The following SYT3 variants were observed in gnomAD, a reference collection of about 807,000 sequenced individuals.
SYT3 encodes synaptotagmin-3.
In SYT3, 25 loss-of-function variants were observed where a neutral mutation model predicts 50.6. The ratio of observed to expected loss-of-function variants is 0.49; its 90% CI spans 0.36 to 0.69. SYT3 has a LOEUF of 0.69. Among genes scored for constraint, SYT3 ranks in the 30% least tolerant of loss-of-function variants. The pLI, the probability that SYT3 is intolerant of heterozygous loss-of-function variation, is 0.00. For synonymous variants in SYT3, 323 were observed against 353.9 expected (o/e 0.91, Z 0.98); for missense variants, 589 against 793.6 (o/e 0.74, Z 3.10).
the SYT3 span, among the ~76,000 whole-genome samples, chr19:50,655,307 T>C: frequency 4.6e-5 from 7 of 152,262 alleles, no homozygotes; most frequent in Middle Eastern, 3.4e-3. Context: ...ATTTGAGAAC[T>C]GTTATCTGTG....
At chr19:50,644,017 C>A (rs546362571), upstream of SYT3, among the ~76,000 whole-genome samples, 1 of 152,252 alleles carries the variant, frequency 6.6e-6, no homozygotes, top group Non-Finnish European at 1.5e-5. Flanking sequence ...CATGTAAGAC[C>A]TGGGGGCAGG....
intron 4 of SYT3, among the ~76,000 whole-genome samples, 198 bp from the exon 5 acceptor site, chr19:50,630,369 G>A (rs752415141): frequency 1.7e-4 from 26 of 151,706 alleles, no homozygotes; most frequent in Non-Finnish European, 3.1e-4. Flanking sequence ...GGTATCTGGG[G>A]GGCATTCCTT....
At position 50,632,846 on chromosome 19, in the gene SYT3, T is replaced by C. The variant is rs564246883; in HGVS notation, c.149-35A>G. 14 of 1,473,390 alleles carry C rather than the reference T, an allele frequency of 9.5e-6. No individual in the cohort carries two copies. In the South Asian group the frequency reaches 1.7e-4, roughly 18 times the overall value. 91.3% of individuals were successfully genotyped at this position (1,473,390 alleles called of 1,614,324 possible). On this transcript the variant is annotated intron_variant, in intron 3 of 10. Coordinates refer to ENST00000600079, the MANE Select transcript of SYT3 (RefSeq NM_001160329.2). This position sits in a 1 kb window ranked among gnomAD's most constrained non-coding sequence, Gnocchi z 4.7. ...ACGAGGACAGAGGTAGGGGTCAGGA[T>C]GGGGTCACAGTACATCCTCCCTCTG... is the stretch of plus-strand genomic sequence containing the variant.
upstream of SYT3, among the ~76,000 whole-genome samples, chr19:50,640,648 A>G (rs1186446831): frequency 1.3e-5 from 2 of 152,214 alleles, no homozygotes; most frequent in Non-Finnish European, 2.9e-5. Context: ...GGGGTGTCCA[A>G]TCTTTTGGCT....
chr19:50,623,253 G>A (rs16981760), intron 9 of SYT3, among the ~76,000 whole-genome samples: 6,455 of 145,516 alleles, frequency 0.044, 218 homozygotes, highest in African/African-American at 0.17. Context: ...ATGAACGGAT[G>A]AATGAGTGAA....
At chr19:50,627,089 A>C (rs1429194859) in intron 6 of SYT3, among the ~76,000 whole-genome samples, 1 of 152,150 alleles carries the variant, frequency 6.6e-6, no homozygotes, top group African/African-American at 2.4e-5. Flanking sequence ...CCCAACCCTG[A>C]CACACAGGCT....
chr19:50,654,139 C>T, the SYT3 span, among the ~76,000 whole-genome samples: 3 of 152,080 alleles, frequency 2.0e-5, no homozygotes, highest in South Asian at 2.1e-4. Context: ...GCACCAGGGC[C>T]GGGCTGTCAG....
chr19:50,648,589 C>A, the SYT3 span, among the ~76,000 whole-genome samples: 2 of 152,156 alleles, frequency 1.3e-5, no homozygotes, highest in African/African-American at 2.4e-5. Flanking sequence ...CCCCGTGAGA[C>A]CCCAGACCCA....
In SYT3 at chr19:50,625,221, A is replaced by G; in HGVS notation, c.1648T>C (p.Trp550Arg). ...DAADPHGREH[W>R]AEMLANPRKP... Reference sequence around the variant, plus strand: ...CGGGGATTGGCCAGCATCTCTGCCCAGTGCTCGCGGCCGTGCGGGTCGGCA... The same window carrying G: ...CGGGGATTGGCCAGCATCTCTGCCCGGTGCTCGCGGCCGTGCGGGTCGGCA... The change falls in exon 9 of 11, where the codon TGG (tryptophan) becomes CGG (arginine). Residue 550 changes from tryptophan (W) to arginine (R), a missense_variant. Physicochemically the swap from Trp to Arg is moderately radical, Grantham distance 101. This residue lies in a region of SYT3 where 273 missense variants were observed against 439.3 expected (regional missense o/e 0.62). Transcript: ENST00000600079. The surrounding 1 kb of genome is among the most constrained non-coding windows in gnomAD (Gnocchi z 7.5). The G allele has an allele frequency of 6.3e-7, 1 of 1,596,254 alleles. No individual in the cohort carries two copies. Among genetic ancestry groups the G allele is most frequent in the South Asian group, 1.1e-5 (1 of 89,002 alleles).
At chr19:50,641,196 G>A (rs888098830), upstream of SYT3, among the ~76,000 whole-genome samples, 1 of 40,644 alleles carries the variant, frequency 2.5e-5, no homozygotes, top group Non-Finnish European at 4.4e-5. Flanking sequence ...TTTTTTTTTT[G>A]TGAGACAGAG....
chr19:50,647,182 T>C, the SYT3 span, among the ~76,000 whole-genome samples: 1 of 151,888 alleles, frequency 6.6e-6, no homozygotes, highest in African/African-American at 2.4e-5. Flanking sequence ...TGGAGAATGT[T>C]TGGAGGGGTG....
At chr19:50,629,141 G>A (rs1401683331) in intron 6 of SYT3, among the ~76,000 whole-genome samples, 153 bp downstream of exon 6, 1 of 152,124 alleles carries the variant, frequency 6.6e-6, no homozygotes, top group African/African-American at 2.4e-5. Context: ...ATTCTTGCCT[G>A]TAAGTTTGCA....
Position 50,632,281 on chromosome 19 carries a change from C to G in SYT3, c.674+5G>C, listed in dbSNP as rs1984334879. 1 of 1,558,470 alleles carries G rather than the reference C, an allele frequency of 6.4e-7. No individual in the cohort carries two copies. Among genetic ancestry groups the G allele is most frequent in the Non-Finnish European group, 8.7e-7 (1 of 1,146,508 alleles). The stretch of plus-strand genomic sequence containing the variant: ...GTGGACCCCCAACCCAGTATCCTCT[C>G]TCACCTGGTAGTGGGTGCCAGGCTT... On this transcript the variant is annotated splice_donor_5th_base_variant and intron_variant, in intron 4 of 10. Transcript: ENST00000600079. The surrounding 1 kb of genome is among the most constrained non-coding windows in gnomAD (Gnocchi z 4.7).
chr19:50,653,240 T>C, the SYT3 span, among the ~76,000 whole-genome samples: 2 of 152,116 alleles, frequency 1.3e-5, no homozygotes, highest in Admixed American at 6.6e-5. Context: ...GATCTCACCA[T>C]GTTGGCCAGG....
At chr19:50,633,937 C>T (rs535059817) in intron 3 of SYT3, among the ~76,000 whole-genome samples, 1 of 152,304 alleles carries the variant, frequency 6.6e-6, no homozygotes, top group African/African-American at 2.4e-5. Context: ...TACTATGATG[C>T]TATCACACCT....
chr19:50,642,877 G>T (rs993969005), upstream of SYT3, among the ~76,000 whole-genome samples: 1 of 152,142 alleles, frequency 6.6e-6, no homozygotes, highest in Admixed American at 6.6e-5. Context: ...ATCTCACTGG[G>T]TTATTTTGAG....
chr19:50,648,513 G>A, the SYT3 span, among the ~76,000 whole-genome samples: 1 of 152,214 alleles, frequency 6.6e-6, no homozygotes, highest in Non-Finnish European at 1.5e-5. Flanking sequence ...GAGCTCTGCA[G>A]ACCCAGAGAA....
chr19:50,647,930 G>C, the SYT3 span, among the ~76,000 whole-genome samples: 1 of 152,148 alleles, frequency 6.6e-6, no homozygotes, highest in Non-Finnish European at 1.5e-5. Context: ...CCAGGAGGGG[G>C]TCAGGGCCCC....
the SYT3 span, among the ~76,000 whole-genome samples, chr19:50,647,132 G>A: frequency 9.2e-5 from 14 of 152,098 alleles, no homozygotes; most frequent in African/African-American, 3.4e-4. Context: ...GCCTGGCTGC[G>A]GGAGGGATTA....
Sources: allele counts gnomAD v4.1 joint callset (sites outside exome capture counted in the v4.1 genomes callset), GRCh38; gene constraint gnomAD v4.1.1; regional missense constraint gnomAD v4.1.1; non-coding constraint Gnocchi (gnomAD v3.1); transcripts MANE v1.5; gene names NCBI Gene and HGNC (gene_info 2026-07-23, HGNC 2026-07-21).